PSG11: variants seen among roughly 807,000 people sequenced by gnomAD.
The protein encoded by PSG11 is pregnancy-specific beta-1-glycoprotein 11.
Under a neutral mutation model 36.0 loss-of-function variants are expected in PSG11, and 42 were observed. That is an observed-to-expected ratio of 1.17 (90% CI 0.91 to 1.51). The LOEUF (loss-of-function observed/expected upper bound fraction) is 1.51, where lower values mean the gene tolerates loss of function less well. Ranked by LOEUF, PSG11 falls within the 40% of genes most tolerant of loss-of-function variation. The pLI, the probability that PSG11 is intolerant of heterozygous loss-of-function variation, is 0.00. For missense variants in PSG11, 558 were observed against 403.5 expected (o/e 1.38, Z -3.28); for synonymous variants, 206 against 153.5 (o/e 1.34, Z -2.53).
At chr19:43,025,936 C>CTTTTTTT (rs1195259262) in intron 1 of PSG11, among the ~76,000 whole-genome samples, 26 of 68,148 alleles carry the variant, frequency 3.8e-4, no homozygotes, top group African/African-American at 4.5e-4. Context: ...TTTTTTTTCT[C>CTTTTTTT]TTTTTTTTTT....
intron 3 of PSG11, among the ~76,000 whole-genome samples, chr19:43,016,339 C>A (rs1162953307): frequency 6.6e-6 from 1 of 151,218 alleles, no homozygotes; most frequent in Admixed American, 6.6e-5. Flanking sequence ...CCCTCCCAGT[C>A]CCTCCATAAT....
chr19:43,018,697 C>T, intron 3 of PSG11, 73 bp downstream of exon 3: 1 of 1,610,444 alleles, frequency 6.2e-7, no homozygotes, highest in Non-Finnish European at 8.5e-7. Context: ...CTGAGAGGGA[C>T]TGAGAGGCCT....
At position 43,015,266 on chromosome 19, in the gene PSG11, A is replaced by G. The variant is rs775247888; in HGVS notation, c.814T>C (p.Ser272Pro). The G allele has an allele frequency of 2.5e-6, 4 of 1,611,492 alleles. No individual in the cohort carries two copies. The East Asian group carries it at 6.7e-5, about 27-fold the overall frequency. ...FANSNPPAQY[S>P]WTINGKFQLS... ...TGAAACTTCCCATTAATTGTCCAAG[A>G]ATACTGTGCTGGTGGGTTAGAGTTT... The change falls in exon 4 of 6, where the codon TCT (serine) becomes CCT (proline). Residue 272 changes from serine (S) to proline (P), a missense_variant. Transcript: ENST00000320078.
At chr19:43,014,173 G>C in intron 4 of PSG11, 1 of 289,550 alleles carries the variant, frequency 3.5e-6, no homozygotes, top group Middle Eastern at 1.7e-3. Flanking sequence ...AGAGGAAAAA[G>C]TTCTGGAAAT....
chr19:43,024,301 G>A (rs904702546), intron 2 of PSG11, among the ~76,000 whole-genome samples: 1 of 151,298 alleles, frequency 6.6e-6, no homozygotes, highest in Non-Finnish European at 1.5e-5. Context: ...CAGAGTTCTG[G>A]GTTTGAGGCT....
intron 1 of PSG11, 24 bp downstream of exon 1, chr19:43,026,285 T>C: frequency 6.2e-7 from 1 of 1,609,298 alleles, no homozygotes; most frequent in South Asian, 1.1e-5. Flanking sequence ...CCTCCTGTCC[T>C]CTCCCAGGAA....
At chr19:43,025,283 C>G (rs1967216025) in intron 1 of PSG11, 2 of 801,962 alleles carry the variant, frequency 2.5e-6, no homozygotes, top group East Asian at 3.1e-5. Context: ...CAGCATGACC[C>G]CCATTCCTTC....
At chr19:43,023,884 G>A (rs1967167049) in intron 2 of PSG11, among the ~76,000 whole-genome samples, 1 of 151,504 alleles carries the variant, frequency 6.6e-6, no homozygotes, top group Non-Finnish European at 1.5e-5. Flanking sequence ...GCTTGGCACA[G>A]TGGAGGTGTT....
intron 1 of PSG11, chr19:43,025,284 C>T: frequency 1.2e-6 from 1 of 801,740 alleles, no homozygotes; most frequent in East Asian, 3.1e-5. Flanking sequence ...AGCATGACCC[C>T]CATTCCTTCA....
rs1456442060 is a variant in PSG11, at chr19:43,014,509, G to T, written c.964+607C>A. 2 of 978,644 alleles carry T rather than the reference G, an allele frequency of 2.0e-6. 1 individual carries two copies. The highest frequency in any genetic ancestry group is 3.5e-5 in the African/African-American group (2 of 56,566). The allele number at this position is 978,644 out of a possible 1,614,324, so 60.6% of individuals were successfully genotyped here. ...TTTCCTTGCAGCCTGGCCCGGGGGA[G>T]GCTTGGCTTGAACTGGCAGCTCAAT... On this transcript the variant is annotated intron_variant, in intron 4 of 5. Coordinates refer to ENST00000320078, the MANE Select transcript of PSG11 (RefSeq NM_002785.3).
chr19:43,017,139 A>G (rs1966986791), intron 3 of PSG11: 1 of 151,400 alleles, frequency 6.6e-6, no homozygotes, highest in Non-Finnish European at 1.5e-5. Flanking sequence ...TTTCCGTTAT[A>G]CAAGTTGGGG....
chr19:43,024,480 C>T (rs1014442867), intron 2 of PSG11: 27 of 721,812 alleles, frequency 3.7e-5, no homozygotes, highest in African/African-American at 1.3e-4. Flanking sequence ...TCCTCTGCAG[C>T]GAGTGTCTGC....
chr19:43,024,554 C>A, intron 2 of PSG11, 137 bp downstream of exon 2: 1 of 1,505,688 alleles, frequency 6.6e-7, no homozygotes, highest in Non-Finnish European at 9.1e-7. Context: ...GTGTGTCCTG[C>A]ACTAAATGCC....
At chr19:43,019,372 C>G in intron 2 of PSG11, 1 of 380,782 alleles carries the variant, frequency 2.6e-6, no homozygotes, top group Admixed American at 4.0e-5. Context: ...GCCTGGCCCA[C>G]CTTTTGGTCC....
chr19:43,012,284 GA>G (rs1974097190), intron 4 of PSG11, among the ~76,000 whole-genome samples: 1 of 151,256 alleles, frequency 6.6e-6, no homozygotes, highest in Non-Finnish European at 1.5e-5. Context: ...ACATAGTATT[GA>G]AAGGTCTAGT....
At chr19:43,025,912 T>C (rs1967237516) in intron 1 of PSG11, among the ~76,000 whole-genome samples, 1 of 133,564 alleles carries the variant, frequency 7.5e-6, no homozygotes, top group Non-Finnish European at 1.6e-5. Flanking sequence ...CAGGGCCTTC[T>C]TTCCTTTTTT....
In PSG11 at chr19:43,026,407, A is replaced by G. The variant is rs768083204; in HGVS notation, c.-35T>C. On this transcript the variant is annotated 5_prime_UTR_variant, in exon 1 of 6. Coordinates refer to ENST00000320078, the MANE Select transcript of PSG11 (RefSeq NM_002785.3). ...TGCGTGCATGTTCTCCTCTGTGGAGATGAGCCTAGGATCCAGAAGCTTCCA... is the reference window on the plus strand; with the variant it reads ...TGCGTGCATGTTCTCCTCTGTGGAGGTGAGCCTAGGATCCAGAAGCTTCCA... 1 of 1,604,914 alleles carries G rather than the reference A, an allele frequency of 6.2e-7. No homozygotes were observed. The highest frequency in any genetic ancestry group is 8.5e-7 in the Non-Finnish European group (1 of 1,174,922).
chr19:43,008,974 A>G (rs1208197468), intron 5 of PSG11, among the ~76,000 whole-genome samples: 1 of 150,956 alleles, frequency 6.6e-6, no homozygotes, highest in African/African-American at 2.4e-5. Flanking sequence ...GGGCTTGAGC[A>G]TCCTCTTTTA....
chr19:43,015,965 G>C (rs776611873), intron 3 of PSG11: 1 of 1,610,060 alleles, frequency 6.2e-7, no homozygotes, highest in Non-Finnish European at 8.5e-7. Flanking sequence ...TCACTCTTAG[G>C]TTCACAGGTG....
Sources: gnomAD v4.1 joint callset for allele counts (sites outside exome capture counted in the v4.1 genomes callset) on GRCh38, gnomAD v4.1.1 for gene constraint, MANE v1.5 for transcripts, NCBI Gene and HGNC (gene_info 2026-07-23, HGNC 2026-07-21) for gene names.